ACOXL: variants seen among roughly 807,000 people sequenced by gnomAD.
ACOXL encodes acyl-CoA oxidase like, also known as acyl-coenzyme A oxidase-like protein.
In ACOXL, 70 loss-of-function variants were observed where a neutral mutation model predicts 71.9. The ratio of observed to expected loss-of-function variants is 0.97; its 90% CI spans 0.80 to 1.19. The LOEUF (loss-of-function observed/expected upper bound fraction) is 1.19, where lower values mean the gene tolerates loss of function less well. Among genes scored for constraint, ACOXL ranks in the 50% most tolerant of loss-of-function variants. ACOXL has a pLI of 0.00. For missense variants in ACOXL, 703 were observed against 736.3 expected (o/e 0.95, Z 0.52); for synonymous variants, 253 against 281.6 (o/e 0.90, Z 1.02).
intron 16 of ACOXL, among the ~76,000 whole-genome samples, chr2:111,062,619 C>T (rs1262694218): frequency 2.0e-5 from 3 of 151,886 alleles, no homozygotes; most frequent in Non-Finnish European, 4.4e-5. Context: ...ATACGTTGAA[C>T]AGAATGAAAA....
chr2:110,955,011 C>T (rs751101106), intron 12 of ACOXL, among the ~76,000 whole-genome samples: 10 of 151,270 alleles, frequency 6.6e-5, no homozygotes, highest in African/African-American at 2.4e-4. Flanking sequence ...TTTTTTCTTT[C>T]TGTTTCTTTT....
chr2:110,764,611 A>G (rs1196355627), intron 1 of ACOXL, among the ~76,000 whole-genome samples: 1 of 152,228 alleles, frequency 6.6e-6, no homozygotes, highest in Non-Finnish European at 1.5e-5. Flanking sequence ...CACAGAATGT[A>G]CAATTCCAAG....
At chr2:110,932,111 A>G (rs1392890391) in intron 11 of ACOXL, among the ~76,000 whole-genome samples, 3 of 152,276 alleles carry the variant, frequency 2.0e-5, no homozygotes, top group African/African-American at 7.2e-5. Context: ...AGGAACAACT[A>G]CAAATATATA....
intron 12 of ACOXL, among the ~76,000 whole-genome samples, chr2:110,938,669 C>G (rs2060755008): frequency 6.6e-6 from 1 of 152,060 alleles, no homozygotes; most frequent in Non-Finnish European, 1.5e-5. Flanking sequence ...GACTGATGTG[C>G]ACAGACATTG....
chr2:110,956,770 G>A (rs1283444325), intron 12 of ACOXL, among the ~76,000 whole-genome samples: 2 of 152,190 alleles, frequency 1.3e-5, no homozygotes, highest in African/African-American at 4.8e-5. Flanking sequence ...TTTATTAAAT[G>A]TAATCATATA....
chr2:110,886,952 C>A, intron 10 of ACOXL: 1 of 1,357,672 alleles, frequency 7.4e-7, no homozygotes, highest in Non-Finnish European at 1.0e-6. Context: ...TCCCTATAGG[C>A]TTCTCACTGC....
chr2:110,967,077 A>G (rs931552366), intron 12 of ACOXL, among the ~76,000 whole-genome samples: 12 of 152,362 alleles, frequency 7.9e-5, no homozygotes, highest in Admixed American at 1.3e-4. Context: ...AGAAGAATCC[A>G]ATGTTGGAAT....
At chr2:111,011,174 TG>T (rs1168363126) in intron 14 of ACOXL, among the ~76,000 whole-genome samples, 1 of 152,192 alleles carries the variant, frequency 6.6e-6, no homozygotes, top group Non-Finnish European at 1.5e-5. Flanking sequence ...GTAGTGTAAA[TG>T]GAATTATGCT....
chr2:110,975,262 T>C (rs2149500861), intron 12 of ACOXL, among the ~76,000 whole-genome samples: 3 of 152,302 alleles, frequency 2.0e-5, no homozygotes, highest in Middle Eastern at 6.8e-3. Flanking sequence ...TTTTCAACTT[T>C]TACAGTCAAA....
intron 17 of ACOXL, chr2:111,093,984 C>T (rs59752549): frequency 0.027 from 4,160 of 153,760 alleles, 121 homozygotes; most frequent in South Asian, 0.14. Context: ...ACAGAACAGA[C>T]GTCTTAGGAA....
intron 16 of ACOXL, among the ~76,000 whole-genome samples, chr2:111,052,902 G>A (rs1045717714): frequency 6.6e-6 from 1 of 151,960 alleles, no homozygotes; most frequent in African/African-American, 2.4e-5. Flanking sequence ...TCCCTGTCCC[G>A]GAGCTGCCAT....
intron 15 of ACOXL, among the ~76,000 whole-genome samples, chr2:111,037,952 T>C (rs1436295608): frequency 3.9e-5 from 6 of 152,236 alleles, no homozygotes; most frequent in Admixed American, 2.0e-4. Context: ...CCTACTACTC[T>C]TACTGGATTT....
intron 5 of ACOXL, 75 bp from the exon 6 acceptor site, chr2:110,798,535 A>G: frequency 8.2e-7 from 1 of 1,212,788 alleles, no homozygotes; most frequent in South Asian, 1.2e-5. Context: ...GGATTACAGT[A>G]TTCATTGCTT....
At chr2:110,960,233 G>A (rs1355375358) in intron 12 of ACOXL, among the ~76,000 whole-genome samples, 2 of 152,178 alleles carry the variant, frequency 1.3e-5, no homozygotes, top group Non-Finnish European at 2.9e-5. Flanking sequence ...ACCCAAGCAA[G>A]GTTCAGGGAA....
chr2:110,967,315 G>T lies in ACOXL; in HGVS notation c.1060-19793G>T, dbSNP rs895565192. Among the ~76,000 whole-genome samples, 9 of 152,258 alleles carry T rather than the reference G, an allele frequency of 5.9e-5. No homozygotes were observed. In the South Asian group the frequency reaches 1.9e-3, roughly 32 times the overall value. ...AGAGGGTGGAATCAGTGAATTTGAG[G>T]CCAGATCAACAGAATTTACCCAATC... On this transcript the variant is annotated intron_variant, in intron 12 of 17. Coordinates refer to ENST00000439055, the MANE Select transcript of ACOXL (RefSeq NM_001142807.4).
intron 10 of ACOXL, among the ~76,000 whole-genome samples, chr2:110,899,673 G>A (rs1472014602): frequency 6.6e-6 from 1 of 152,136 alleles, no homozygotes; most frequent in Non-Finnish European, 1.5e-5. Context: ...GGCAGCCTCA[G>A]CTATAATTTA....
intron 16 of ACOXL, among the ~76,000 whole-genome samples, chr2:111,060,750 G>A (rs536781447): frequency 6.6e-6 from 1 of 152,138 alleles, no homozygotes; most frequent in Non-Finnish European, 1.5e-5. Flanking sequence ...GCTTCAATGA[G>A]TAATAGTGAA....
intron 12 of ACOXL, among the ~76,000 whole-genome samples, chr2:110,985,667 C>CT (rs988480867): frequency 6.6e-5 from 10 of 152,130 alleles, no homozygotes; most frequent in African/African-American, 2.4e-4. Context: ...GTGTACTGGC[C>CT]TAAAGCACCT....
chr2:110,918,499 G>T (rs574789306), intron 11 of ACOXL, among the ~76,000 whole-genome samples: 1 of 152,124 alleles, frequency 6.6e-6, no homozygotes, highest in South Asian at 2.1e-4. Flanking sequence ...ACAGGCAAAG[G>T]CTTCATGACT....
Sources: gnomAD v4.1 joint callset for allele counts (sites outside exome capture counted in the v4.1 genomes callset) on GRCh38, gnomAD v4.1.1 for gene constraint, MANE v1.5 for transcripts, NCBI Gene and HGNC (gene_info 2026-07-23, HGNC 2026-07-21) for gene names.